The following GALNTL6 variants were observed in gnomAD, a reference collection of about 807,000 sequenced individuals.
GALNTL6 encodes the protein polypeptide N-acetylgalactosaminyltransferase like 6, also known as polypeptide N-acetylgalactosaminyltransferase-like 6.
A neutral mutation model predicts 73.7 loss-of-function variants in GALNTL6; 46 were observed. The observed-to-expected ratio is 0.62, with a 90% CI of 0.49 to 0.80. The LOEUF is 0.80. Among genes scored for constraint, GALNTL6 ranks in the 30% least tolerant of loss-of-function variants. The pLI is 0.00. For missense variants in GALNTL6, 604 were observed against 755.0 expected (o/e 0.80, Z 2.34); for synonymous variants, 259 against 263.7 (o/e 0.98, Z 0.17).
intron 2 of GALNTL6, among the ~76,000 whole-genome samples, chr4:171,899,397 A>G (rs1737015223): frequency 6.6e-6 from 1 of 152,116 alleles, no homozygotes; most frequent in Non-Finnish European, 1.5e-5. Context: ...CCAACTTTTT[A>G]TCAAATCAGC....
At chr4:172,309,541 C>T (rs1382526719) in intron 3 of GALNTL6, among the ~76,000 whole-genome samples, 2 of 151,894 alleles carry the variant, frequency 1.3e-5, no homozygotes, top group African/African-American at 2.4e-5. Context: ...CACACAAATA[C>T]ATATTAATTA....
At chr4:172,987,494 G>A (rs1751341980) in intron 10 of GALNTL6, among the ~76,000 whole-genome samples, 1 of 152,206 alleles carries the variant, frequency 6.6e-6, no homozygotes, top group Admixed American at 6.5e-5. Context: ...AGTTTTGGGT[G>A]AGGGTACAGC....
At chr4:172,560,522 G>T (rs577840995) in intron 5 of GALNTL6, among the ~76,000 whole-genome samples, 1 of 151,964 alleles carries the variant, frequency 6.6e-6, no homozygotes, top group African/African-American at 2.4e-5. Context: ...GGCAACATTT[G>T]CAGAAGGTTG....
intron 5 of GALNTL6, among the ~76,000 whole-genome samples, chr4:172,778,326 C>T (rs1739182630): frequency 6.6e-6 from 1 of 152,220 alleles, no homozygotes; most frequent in African/African-American, 2.4e-5. Context: ...TTTATCCCAC[C>T]TGCCATAAGT....
chr4:171,940,296 G>GA (rs1324309733), intron 2 of GALNTL6, among the ~76,000 whole-genome samples: 1 of 151,850 alleles, frequency 6.6e-6, no homozygotes, highest in African/African-American at 2.4e-5. Flanking sequence ...AGAGTGGGTG[G>GA]AAATGGGGAG....
chr4:171,952,643 AT>A (rs1288160632), intron 2 of GALNTL6, among the ~76,000 whole-genome samples: 1 of 152,092 alleles, frequency 6.6e-6, no homozygotes, highest in Non-Finnish European at 1.5e-5. Context: ...ATTTGATAAA[AT>A]TTAAAATCTC....
chr4:172,297,465 C>A (rs1020498069), intron 3 of GALNTL6, among the ~76,000 whole-genome samples: 7 of 152,084 alleles, frequency 4.6e-5, no homozygotes, highest in African/African-American at 1.7e-4. Flanking sequence ...CCTAGGTTTT[C>A]TTCTAGGGTT....
chr4:172,912,961 T>G (rs1377678552), intron 8 of GALNTL6, among the ~76,000 whole-genome samples: 1 of 152,140 alleles, frequency 6.6e-6, no homozygotes, highest in Non-Finnish European at 1.5e-5. Flanking sequence ...GGGAGACACC[T>G]CCCAGTAGGG....
chr4:172,655,443 C>A (rs770195954), intron 5 of GALNTL6, among the ~76,000 whole-genome samples: 11 of 152,120 alleles, frequency 7.2e-5, no homozygotes, highest in Non-Finnish European at 1.5e-4. Flanking sequence ...CTATTATAAG[C>A]CCTGTACCTG....
chr4:172,866,660 T>C (rs957198598), intron 7 of GALNTL6, among the ~76,000 whole-genome samples: 2 of 152,156 alleles, frequency 1.3e-5, no homozygotes, highest in African/African-American at 4.8e-5. Flanking sequence ...TCACCTTTGC[T>C]CTGGCCCTCA....
At position 172,887,064 on chromosome 4, in the gene GALNTL6, A is replaced by G. The variant is rs1368859863; in HGVS notation, c.1041+4157A>G. ...TGTACTCAATGCTTATCCTCCTCTT[A>G]TAAGTGAAAACATGTGGTATTTGAT... On this transcript the variant is annotated intron_variant, in intron 8 of 12. Coordinates refer to ENST00000506823, the MANE Select transcript of GALNTL6 (RefSeq NM_001034845.3). Among the ~76,000 whole-genome samples the G allele has an allele frequency of 3.9e-5, 6 of 152,178 alleles. No individual in the cohort carries two copies. In the East Asian group the frequency reaches 1.2e-3, roughly 29 times the overall value.
intron 5 of GALNTL6, among the ~76,000 whole-genome samples, chr4:172,599,899 G>T (rs1737992290): frequency 6.6e-6 from 1 of 152,028 alleles, no homozygotes; most frequent in African/African-American, 2.4e-5. Flanking sequence ...AGTGTATAAT[G>T]TGCCTTTAAA....
intron 5 of GALNTL6, among the ~76,000 whole-genome samples, chr4:172,688,550 C>T (rs1378709334): frequency 2.6e-5 from 4 of 152,128 alleles, no homozygotes; most frequent in Admixed American, 6.6e-5. Flanking sequence ...TTCAATATTC[C>T]GCCCATAATG....
chr4:172,084,100 T>C (rs991942463), intron 2 of GALNTL6, among the ~76,000 whole-genome samples: 4 of 152,144 alleles, frequency 2.6e-5, no homozygotes, highest in African/African-American at 9.7e-5. Context: ...CACAGAGTTG[T>C]TTTCTATGAC....
intron 2 of GALNTL6, among the ~76,000 whole-genome samples, chr4:171,969,768 C>CTT (rs34630281): frequency 0.1 from 14,940 of 143,878 alleles, 2,103 homozygotes; most frequent in African/African-American, 0.32. Context: ...CTCCAAACCA[C>CTT]TTTTTTTTTT....
At chr4:171,847,794 AT>A (rs1735414348) in intron 2 of GALNTL6, among the ~76,000 whole-genome samples, 1 of 152,096 alleles carries the variant, frequency 6.6e-6, no homozygotes, top group Non-Finnish European at 1.5e-5. Flanking sequence ...TCCACTTCTA[AT>A]TCTAGTTCTC....
intron 3 of GALNTL6, among the ~76,000 whole-genome samples, chr4:172,281,005 CA>C (rs34883890): frequency 2.5e-3 from 332 of 132,464 alleles, no homozygotes; most frequent in Middle Eastern, 7.9e-3. Context: ...CTAAAAAATA[CA>C]AAAAAAAAAA....
chr4:172,741,373 G>C (rs919414612), intron 5 of GALNTL6, among the ~76,000 whole-genome samples: 1 of 152,082 alleles, frequency 6.6e-6, no homozygotes, highest in Non-Finnish European at 1.5e-5. Context: ...AAGCAAAGGA[G>C]AAGAAAGGAT....
chr4:171,837,380 TG>T lies in GALNTL6; in HGVS notation c.138+22668del, dbSNP rs539174620. ...GATCACATTTGTATAAAGGATATTT[TG>T]GGGGGCGATTGGTGAAACGTGGTGG... is the stretch of plus-strand genomic sequence containing the variant. On this transcript the variant is annotated intron_variant, in intron 2 of 12. Transcript: ENST00000506823. Among the ~76,000 whole-genome samples the T allele has an allele frequency of 5.9e-3, 900 of 151,854 alleles. 5 individuals are homozygous for T. Among genetic ancestry groups the T allele is most frequent in the Non-Finnish European group, 8.9e-3 (605 of 67,934 alleles).
Sources: gnomAD v4.1 joint callset for allele counts (sites outside exome capture counted in the v4.1 genomes callset) on GRCh38, gnomAD v4.1.1 for gene constraint, MANE v1.5 for transcripts, NCBI Gene and HGNC (gene_info 2026-07-23, HGNC 2026-07-21) for gene names.